KLHL4: variants seen among roughly 807,000 people sequenced by gnomAD.
The protein encoded by KLHL4 is kelch like family member 4.
KLHL4 carries 17 observed loss-of-function variants against 45.8 expected under a neutral mutation model. The ratio of observed to expected loss-of-function variants is 0.37; its 90% CI spans 0.25 to 0.56. The LOEUF (loss-of-function observed/expected upper bound fraction) is 0.56. Among genes scored for constraint, KLHL4 ranks in the 20% least tolerant of loss-of-function variants. The pLI, the probability that KLHL4 is intolerant of heterozygous loss-of-function variation, is 0.79. For synonymous variants in KLHL4, 224 were observed against 189.9 expected (o/e 1.18, Z -1.47); for missense variants, 544 against 544.9 (o/e 1.00, Z 0.02).
chrX:87,545,478 GC>G (rs1931656053), intron 1 of KLHL4, among the ~76,000 whole-genome samples: 1 of 103,627 alleles, frequency 9.6e-6, no homozygotes, highest in African/African-American at 3.6e-5. Context: ...TGTAAGACGT[GC>G]CTGCCTCCCC....
chrX:87,649,246 A>T (rs1308433748), intron 9 of KLHL4, among the ~76,000 whole-genome samples: 1 of 111,514 alleles, frequency 9.0e-6, no homozygotes, highest in East Asian at 2.8e-4. Flanking sequence ...TATGAATTTG[A>T]CTATTCTAGT....
intron 1 of KLHL4, among the ~76,000 whole-genome samples, chrX:87,599,245 AC>A (rs1921933753): frequency 9.0e-6 from 1 of 110,819 alleles, no homozygotes; most frequent in Non-Finnish European, 1.9e-5. Flanking sequence ...TGAGACTTCC[AC>A]TTCATCTGTT....
At chrX:87,555,299 G>A (rs1931944592) in intron 1 of KLHL4, among the ~76,000 whole-genome samples, 1 of 109,913 alleles carries the variant, frequency 9.1e-6, no homozygotes, top group African/African-American at 3.3e-5. Flanking sequence ...AATGGTGCCA[G>A]TTCCTCCTTG....
chrX:87,518,338 C>G, intron 1 of KLHL4, 23 bp downstream of exon 1: 2 of 1,126,763 alleles, frequency 1.8e-6, no homozygotes, highest in Middle Eastern at 2.8e-4. Flanking sequence ...GGTCGCATAA[C>G]TGAATGCCGT....
intron 6 of KLHL4, among the ~76,000 whole-genome samples, chrX:87,629,665 C>T (rs1369723948): frequency 9.0e-6 from 1 of 110,793 alleles, no homozygotes; most frequent in African/African-American, 3.3e-5. Flanking sequence ...TAAATTAGGT[C>T]ATCCGTAAAT....
chrX:87,629,333 G>A (rs1923029433), intron 6 of KLHL4, among the ~76,000 whole-genome samples: 1 of 111,595 alleles, frequency 9.0e-6, no homozygotes, highest in Admixed American at 9.6e-5. Context: ...TCCTAGTAAA[G>A]CAGCTAGAGA....
chrX:87,535,805 G>A (rs1047544236), intron 1 of KLHL4, among the ~76,000 whole-genome samples: 4 of 110,803 alleles, frequency 3.6e-5, no homozygotes, highest in Middle Eastern at 4.2e-3. Flanking sequence ...AATATTAATA[G>A]TTTAGCACCA....
chrX:87,535,837 G>A (rs750470387), intron 1 of KLHL4, among the ~76,000 whole-genome samples: 1 of 110,531 alleles, frequency 9.0e-6, no homozygotes, highest in African/African-American at 3.3e-5. Flanking sequence ...CTGTTCTCAT[G>A]ATAGTGAGTG....
intron 6 of KLHL4, 133 bp downstream of exon 6, chrX:87,625,929 GA>G: frequency 4.2e-6 from 2 of 476,657 alleles, no homozygotes; most frequent in Non-Finnish European, 6.8e-6. Flanking sequence ...TGCATTATAT[GA>G]TTTTTGTGAC....
intron 1 of KLHL4, among the ~76,000 whole-genome samples, chrX:87,523,534 C>T (rs1931044919): frequency 9.0e-6 from 1 of 111,370 alleles, no homozygotes; most frequent in African/African-American, 3.3e-5. Context: ...GTCAAAGGGA[C>T]ACAGGGATCA....
chrX:87,541,777 G>C (rs755202830), intron 1 of KLHL4, among the ~76,000 whole-genome samples: 1 of 111,528 alleles, frequency 9.0e-6, no homozygotes, highest in South Asian at 3.8e-4. Flanking sequence ...ATGTGGGAGC[G>C]ACTTTGGAAC....
intron 1 of KLHL4, among the ~76,000 whole-genome samples, chrX:87,600,051 T>C (rs184981893): frequency 2.7e-5 from 3 of 112,149 alleles, no homozygotes. Context: ...AGATGTCATG[T>C]TGAGATGGAA....
At chrX:87,605,404 T>C (rs1922160265) in intron 1 of KLHL4, among the ~76,000 whole-genome samples, 1 of 111,299 alleles carries the variant, frequency 9.0e-6, no homozygotes, top group Non-Finnish European at 1.9e-5. Context: ...ACATGGGATA[T>C]CTTTCCATTT....
chrX:87,556,999 A>AT (rs1348299331), intron 1 of KLHL4, among the ~76,000 whole-genome samples: 1 of 111,878 alleles, frequency 8.9e-6, no homozygotes, highest in Non-Finnish European at 1.9e-5. Flanking sequence ...CTTTGAACAG[A>AT]TGAGCAGAGA....
At chrX:87,562,935 G>T (rs1932131957) in intron 1 of KLHL4, among the ~76,000 whole-genome samples, 1 of 111,124 alleles carries the variant, frequency 9.0e-6, no homozygotes, top group African/African-American at 3.3e-5. Flanking sequence ...GGCTTAATTT[G>T]CTTGGGAAAA....
intron 9 of KLHL4, among the ~76,000 whole-genome samples, chrX:87,643,124 G>A (rs1244123832): frequency 9.0e-6 from 1 of 111,317 alleles, no homozygotes; most frequent in African/African-American, 3.3e-5. Context: ...AAAGATAAAT[G>A]AAACAAAAAG....
intron 1 of KLHL4, among the ~76,000 whole-genome samples, chrX:87,613,502 A>T (rs781534745): frequency 3.0e-4 from 33 of 111,607 alleles, no homozygotes; most frequent in African/African-American, 1.0e-3. Context: ...TTTTAAAAGT[A>T]TTTTGACTCA....
intron 5 of KLHL4, among the ~76,000 whole-genome samples, chrX:87,624,795 TA>T (rs1343021325): frequency 8.9e-6 from 1 of 112,542 alleles, no homozygotes; most frequent in African/African-American, 3.2e-5. Context: ...TAATGATAGT[TA>T]AAAAGAATTG....
intron 1 of KLHL4, among the ~76,000 whole-genome samples, chrX:87,547,580 T>C (rs1047055930): frequency 1.8e-5 from 2 of 111,095 alleles, no homozygotes; most frequent in African/African-American, 6.6e-5. Flanking sequence ...CCCAGCACTT[T>C]AGGAGGCTGA....
Sources: allele counts gnomAD v4.1 joint callset (sites outside exome capture counted in the v4.1 genomes callset), GRCh38; gene constraint gnomAD v4.1.1; transcripts MANE v1.5; gene names NCBI Gene and HGNC (gene_info 2026-07-23, HGNC 2026-07-21).